The following TANC2 variants were observed in gnomAD, a reference collection of about 807,000 sequenced individuals.
TANC2 encodes the protein tetratricopeptide repeat, ankyrin repeat and coiled-coil containing 2.
A neutral mutation model predicts 210.5 loss-of-function variants in TANC2; 26 were observed. The observed-to-expected ratio is 0.12, with a 90% CI of 0.09 to 0.17. TANC2 has a LOEUF of 0.17. TANC2 is among the 10% of genes least tolerant of loss of function. The probability of loss-of-function intolerance (pLI) is 1.00; values close to 1 mark genes in which losing one functional copy is unlikely to be tolerated. For missense variants in TANC2, 2,129 were observed against 2,608.9 expected, an observed-to-expected ratio of 0.82 and a Z score of 4.01; for synonymous variants, 931 against 967.1, an observed-to-expected ratio of 0.96 and a Z score of 0.69.
At chr17:63,396,005 G>A (rs1435154104) in intron 18 of TANC2, 77 bp downstream of exon 18, 14 of 1,401,354 alleles carry the variant, frequency 1.0e-5, no homozygotes, top group East Asian at 7.5e-5. Context: ...AAGATTGCAC[G>A]AAGACAAAAT....
At chr17:63,169,334 A>G (rs1332273487) in intron 5 of TANC2, among the ~76,000 whole-genome samples, 3 of 152,198 alleles carry the variant, frequency 2.0e-5, no homozygotes, top group Non-Finnish European at 4.4e-5. Flanking sequence ...ATTTGGAAAT[A>G]TTTGTAGAAA....
At chr17:63,103,582 A>T (rs2144947732) in intron 4 of TANC2, among the ~76,000 whole-genome samples, 1 of 152,294 alleles carries the variant, frequency 6.6e-6, no homozygotes, top group Admixed American at 6.5e-5. Context: ...GATAACAATA[A>T]TACAACCGAC....
exon 20 of TANC2, chr17:63,405,204 C>T: frequency 6.2e-7 from 1 of 1,610,192 alleles, no homozygotes; most frequent in Non-Finnish European, 8.5e-7. Context: ...CCCAGCCAAA[C>T]CGCCGAGGAG....
chr17:63,136,554 G>T (rs564000430), intron 4 of TANC2, among the ~76,000 whole-genome samples: 3 of 152,070 alleles, frequency 2.0e-5, no homozygotes, highest in Non-Finnish European at 4.4e-5. Flanking sequence ...ACTATTATAG[G>T]CAGTACTAAG....
rs56744533 is a variant in TANC2 at position 63,416,238 on chromosome 17, C to T, written c.4167+564C>T. Among the ~76,000 whole-genome samples, 10 of 152,288 alleles carry T rather than the reference C, an allele frequency of 6.6e-5. No homozygotes were observed. In the South Asian group the frequency reaches 1.0e-3, roughly 16 times the overall value. On this transcript the variant is annotated intron_variant, in intron 26 of 27. Coordinates refer to ENST00000689528, the Ensembl canonical transcript of TANC2. ...GGACCTTTATCGTCTCCCTGGTAAG[C>T]CACGGTCCTTCCTGCCTACCTTGCA...
At chr17:63,105,731 G>A (rs776169514) in intron 4 of TANC2, among the ~76,000 whole-genome samples, 124 of 151,690 alleles carry the variant, frequency 8.2e-4, no homozygotes, top group Non-Finnish European at 6.9e-4. Flanking sequence ...ACTGAAAAGT[G>A]AATTGGAAAA....
rs576451878 is a variant in TANC2 at position 63,054,368 on chromosome 17, T to C, written c.68-19575T>C. Reference sequence around the variant, plus strand: ...TCATACGTAGCCTTTGGCTCATAAATGTTGTTTTTGTTTTTTTCTTTTGAG... The same window carrying C: ...TCATACGTAGCCTTTGGCTCATAAACGTTGTTTTTGTTTTTTTCTTTTGAG... On this transcript the variant is annotated intron_variant, in intron 2 of 27. Transcript: ENST00000689528. Among the ~76,000 whole-genome samples the C allele has an allele frequency of 1.6e-3, 244 of 152,134 alleles. 1 individual carries two copies. The highest frequency in any genetic ancestry group is 5.7e-3 in the African/African-American group (237 of 41,532).
intron 1 of TANC2, among the ~76,000 whole-genome samples, chr17:63,001,512 TC>T (rs1223781147): frequency 1.3e-5 from 2 of 151,328 alleles, no homozygotes; most frequent in Non-Finnish European, 2.9e-5. Flanking sequence ...GGTTTCCTTT[TC>T]GTTTTTCTTT....
Position 63,418,552 on chromosome 17 carries a change from A to G in TANC2, c.4268+145A>G. 2 of 697,436 alleles carry G rather than the reference A, an allele frequency of 2.9e-6. No homozygotes were observed. The highest frequency in any genetic ancestry group is 4.8e-6 in the Non-Finnish European group (2 of 420,430). 43.2% of individuals were successfully genotyped at this position (697,436 alleles called of 1,614,324 possible). A position where few individuals can be genotyped will look rare whatever the true frequency, so the allele number is the denominator to read the frequency against. On this transcript the variant is annotated intron_variant, in intron 27 of 27. Coordinates refer to ENST00000689528, the Ensembl canonical transcript of TANC2. The surrounding 1 kb of genome is among the most constrained non-coding windows in gnomAD (Gnocchi z 4.6). ...GGGCCAAGCTTTGGGGATGGCTCCC[A>G]TAGCACAGCCCTCAGCTCAAGATCA...
At chr17:63,373,814 C>G (rs144192397) in intron 14 of TANC2, among the ~76,000 whole-genome samples, 9 of 152,168 alleles carry the variant, frequency 5.9e-5, no homozygotes, top group African/African-American at 1.7e-4. Context: ...AACCCCATCT[C>G]TACTAAAAAT....
At chr17:63,207,467 A>G (rs1021692977) in intron 7 of TANC2, among the ~76,000 whole-genome samples, 9 of 152,054 alleles carry the variant, frequency 5.9e-5, no homozygotes, top group Non-Finnish European at 1.0e-4. Context: ...CGCCCGCCTC[A>G]GCCTCCCAAA....
chr17:63,099,218 C>T lies in TANC2; in HGVS notation c.183C>T (p.Tyr61=), dbSNP rs375611978. The change falls in exon 4 of 28, where the codon TAC becomes TAT. Residue 61 remains tyrosine, a synonymous_variant. Coordinates refer to ENST00000689528, the Ensembl canonical transcript of TANC2. ...GCGACTGTGCTTTTGAGCCAGACTA[C>T]GCTGTCCCGCCACTTCCAGTGAGTG... 1.8e-4 allele frequency: 284 copies of T among 1,599,218 alleles called. No homozygotes were observed. Among genetic ancestry groups the T allele is most frequent in the Non-Finnish European group, 2.1e-4 (241 of 1,172,086 alleles).
At position 63,364,476 on chromosome 17, in the gene TANC2, A is replaced by G. The variant is rs2146969727; in HGVS notation, c.2582+9086A>G. Among the ~76,000 whole-genome samples, 3 of 152,302 alleles carry G rather than the reference A, an allele frequency of 2.0e-5. 1 individual carries two copies. The Middle Eastern group carries it at 0.01, about 518-fold the overall frequency. On this transcript the variant is annotated intron_variant, in intron 14 of 27. Coordinates refer to ENST00000689528, the Ensembl canonical transcript of TANC2. ...CATAAAAACTTATGAGAGATTTCCT[A>G]AGTCTATATACATACAGAGATATAG...
chr17:63,200,674 T>C (rs964922506), intron 6 of TANC2, 97 bp from the exon 7 acceptor site: 1 of 1,067,414 alleles, frequency 9.4e-7, no homozygotes. Context: ...AAGCTATGCA[T>C]GTAGTTTTTT....
chr17:63,358,436 A>G (rs890111502), intron 14 of TANC2, among the ~76,000 whole-genome samples: 4 of 139,700 alleles, frequency 2.9e-5, no homozygotes, highest in African/African-American at 1.1e-4. Context: ...TCAAACTGTA[A>G]GCAGAGTATC....
chr17:63,057,953 A>G (rs2035863562), intron 2 of TANC2, among the ~76,000 whole-genome samples: 1 of 152,164 alleles, frequency 6.6e-6, no homozygotes, highest in South Asian at 2.1e-4. Context: ...TATACCCAGT[A>G]GTGGAATTGC....
At chr17:63,231,891 C>G (rs533052503) in intron 7 of TANC2, among the ~76,000 whole-genome samples, 1 of 152,298 alleles carries the variant, frequency 6.6e-6, no homozygotes, top group South Asian at 2.1e-4. Context: ...CTCAGGTACC[C>G]TAGTCAGTCA....
At chr17:63,385,854 G>A (rs1334092798) in intron 15 of TANC2, among the ~76,000 whole-genome samples, 2 of 152,174 alleles carry the variant, frequency 1.3e-5, no homozygotes, top group African/African-American at 4.8e-5. Flanking sequence ...GTTAAAACTG[G>A]ATTCTGTTTC....
At chr17:63,322,033 A>G (rs1421860060) in intron 11 of TANC2, among the ~76,000 whole-genome samples, 1 of 152,190 alleles carries the variant, frequency 6.6e-6, no homozygotes. Context: ...TCCAGCTCCA[A>G]GCCAGAAACA....
Sources: gnomAD v4.1 joint callset for allele counts (sites outside exome capture counted in the v4.1 genomes callset) on GRCh38, gnomAD v4.1.1 for gene constraint, Gnocchi (gnomAD v3.1) non-coding constraint, MANE v1.5 for transcripts, NCBI Gene and HGNC (gene_info 2026-07-23, HGNC 2026-07-21) for gene names.